The following SLC24A3 variants were observed in gnomAD, a reference collection of about 807,000 sequenced individuals.
SLC24A3 encodes solute carrier family 24 member 3.
Under a neutral mutation model 75.8 loss-of-function variants are expected in SLC24A3, and 28 were observed. The observed-to-expected ratio is 0.37, with a 90% CI of 0.27 to 0.51. The LOEUF is 0.51. Among genes scored for constraint, SLC24A3 ranks in the 20% least tolerant of loss-of-function variants. The pLI is 0.94. For synonymous variants in SLC24A3, 372 were observed against 334.1 expected, an observed-to-expected ratio of 1.11 and a Z score of -1.24; for missense variants, 663 against 847.8, an observed-to-expected ratio of 0.78 and a Z score of 2.71.
Position 19,213,102 on chromosome 20 carries a change from G to A in SLC24A3, c.142+118G>A, listed in dbSNP as rs989157718. ...CCGGAGCCCCAGGATAAGCGGGCTG[G>A]GTTGGCGGGGGGAGTGGGATGCCAG... On this transcript the variant is annotated intron_variant, in intron 1 of 16. Transcript: ENST00000328041. 1.6e-4 allele frequency: 180 copies of A among 1,101,038 alleles called. 1 individual carries two copies. In the African/African-American group the frequency reaches 2.6e-3, roughly 16 times the overall value. The allele number at this position is 1,101,038 out of a possible 1,614,324, so 68.2% of individuals were successfully genotyped here.
At chr20:19,383,568 T>C (rs1329776159) in intron 2 of SLC24A3, among the ~76,000 whole-genome samples, 5 of 152,180 alleles carry the variant, frequency 3.3e-5, no homozygotes, top group Non-Finnish European at 7.3e-5. Flanking sequence ...CTGAGAGGAC[T>C]GAGGAATGTG....
At chr20:19,624,142 T>A (rs2031839404) in intron 6 of SLC24A3, among the ~76,000 whole-genome samples, 1 of 152,214 alleles carries the variant, frequency 6.6e-6, no homozygotes, top group Non-Finnish European at 1.5e-5. Flanking sequence ...AAGCTATTGT[T>A]TTCAAGTATT....
intron 3 of SLC24A3, among the ~76,000 whole-genome samples, chr20:19,517,948 C>T (rs1568641883): frequency 6.6e-6 from 1 of 152,180 alleles, no homozygotes; most frequent in Admixed American, 6.5e-5. Context: ...ATCCTACCCA[C>T]TAGAATATAA....
chr20:19,520,541 C>T (rs537360808), intron 3 of SLC24A3, among the ~76,000 whole-genome samples: 3 of 152,206 alleles, frequency 2.0e-5, no homozygotes, highest in Non-Finnish European at 4.4e-5. Context: ...GAAATAGGCT[C>T]TCTACGGCGC....
chr20:19,466,772 T>C (rs980967316), intron 2 of SLC24A3, among the ~76,000 whole-genome samples: 2 of 151,326 alleles, frequency 1.3e-5, no homozygotes, highest in Admixed American at 6.6e-5. Flanking sequence ...AAAGCACCTC[T>C]CGTCTTTCGA....
intron 2 of SLC24A3, among the ~76,000 whole-genome samples, chr20:19,306,594 G>T (rs186551220): frequency 2.0e-5 from 3 of 152,088 alleles, no homozygotes; most frequent in South Asian, 4.1e-4. Context: ...GTGAATTATC[G>T]CAAGAACAGA....
chr20:19,468,190 T>C (rs1987801600), intron 2 of SLC24A3, among the ~76,000 whole-genome samples: 1 of 152,142 alleles, frequency 6.6e-6, no homozygotes, highest in Non-Finnish European at 1.5e-5. Context: ...AGAGCACAGA[T>C]ATAAGATGGT....
intron 6 of SLC24A3, among the ~76,000 whole-genome samples, chr20:19,652,159 T>A (rs2032213548): frequency 6.6e-6 from 1 of 152,366 alleles, no homozygotes; most frequent in Middle Eastern, 3.4e-3. Context: ...AAAATTTTGT[T>A]GTTCTTATCA....
At chr20:19,572,796 C>G (rs1291063859) in intron 3 of SLC24A3, among the ~76,000 whole-genome samples, 1 of 152,156 alleles carries the variant, frequency 6.6e-6, no homozygotes, top group African/African-American at 2.4e-5. Flanking sequence ...GATATTCACA[C>G]TGGTAGCAGC....
chr20:19,224,728 C>T (rs1296872961), intron 1 of SLC24A3, among the ~76,000 whole-genome samples: 1 of 152,126 alleles, frequency 6.6e-6, no homozygotes, highest in African/African-American at 2.4e-5. Flanking sequence ...TCTTAACATC[C>T]TGTTTTACTT....
chr20:19,218,694 C>T (rs73124804), intron 1 of SLC24A3, among the ~76,000 whole-genome samples: 6,039 of 143,936 alleles, frequency 0.042, 162 homozygotes, highest in Non-Finnish European at 0.063. Flanking sequence ...TTGTGGGAAG[C>T]TTTTTTTTTT....
chr20:19,250,080 T>G (rs890009957), intron 1 of SLC24A3, among the ~76,000 whole-genome samples: 1 of 152,214 alleles, frequency 6.6e-6, no homozygotes, highest in Non-Finnish European at 1.5e-5. Context: ...TCAGCAGTCA[T>G]TCAGCCATTC....
At chr20:19,425,413 C>T (rs573876437) in intron 2 of SLC24A3, among the ~76,000 whole-genome samples, 2 of 152,192 alleles carry the variant, frequency 1.3e-5, no homozygotes, top group East Asian at 1.9e-4. Context: ...CATTATCATC[C>T]GTTAAGAGTA....
intron 2 of SLC24A3, among the ~76,000 whole-genome samples, chr20:19,306,076 C>T (rs184143292): frequency 1.9e-4 from 29 of 152,268 alleles, no homozygotes; most frequent in African/African-American, 6.5e-4. Context: ...CATAAACGGA[C>T]ATTTCTCAAA....
intron 3 of SLC24A3, among the ~76,000 whole-genome samples, chr20:19,570,188 G>C (rs1381068716): frequency 6.6e-6 from 1 of 152,140 alleles, no homozygotes; most frequent in African/African-American, 2.4e-5. Flanking sequence ...ATCTTCACAT[G>C]GCCAGGAGGA....
At chr20:19,666,483 G>A (rs892718161) in intron 8 of SLC24A3, among the ~76,000 whole-genome samples, 1 of 151,964 alleles carries the variant, frequency 6.6e-6, no homozygotes, top group Non-Finnish European at 1.5e-5. Flanking sequence ...TCCAGCCTGG[G>A]CGACACAGTG....
intron 1 of SLC24A3, among the ~76,000 whole-genome samples, chr20:19,223,614 A>G (rs1981789840): frequency 6.6e-6 from 1 of 152,202 alleles, no homozygotes. Context: ...ATTAACAATA[A>G]CTAACAATAA....
chr20:19,255,717 G>A (rs1040737159), intron 1 of SLC24A3, among the ~76,000 whole-genome samples: 10 of 152,204 alleles, frequency 6.6e-5, no homozygotes, highest in African/African-American at 1.7e-4. Flanking sequence ...TTGCAATGTC[G>A]CTTGCTAGAT....
chr20:19,348,138 T>G (rs1022828724), intron 2 of SLC24A3, among the ~76,000 whole-genome samples: 4 of 152,226 alleles, frequency 2.6e-5, no homozygotes, highest in Non-Finnish European at 5.9e-5. Flanking sequence ...GGATGTCTGT[T>G]CGGGTTCTGC....
Sources: allele counts gnomAD v4.1 joint callset (sites outside exome capture counted in the v4.1 genomes callset), GRCh38; gene constraint gnomAD v4.1.1; transcripts MANE v1.5; gene names NCBI Gene and HGNC (gene_info 2026-07-23, HGNC 2026-07-21).